The following TLK1 variants were observed in gnomAD, a reference collection of about 807,000 sequenced individuals.
TLK1 encodes serine/threonine-protein kinase tousled-like 1.
Under a neutral mutation model 105.3 loss-of-function variants are expected in TLK1, and 24 were observed. That is an observed-to-expected ratio of 0.23 (90% confidence interval 0.17 to 0.32). The LOEUF (loss-of-function observed/expected upper bound fraction) is 0.32, where lower values mean the gene tolerates loss of function less well. Ranked by LOEUF, TLK1 falls within the 10% of genes least tolerant of loss-of-function variation. The pLI is 1.00. For missense variants in TLK1, 558 were observed against 910.5 expected (o/e 0.61, Z 4.98); for synonymous variants, 321 against 310.4 (o/e 1.03, Z -0.36).
intron 14 of TLK1, among the ~76,000 whole-genome samples, chr2:171,010,311 A>T (rs1410911817): frequency 1.3e-5 from 2 of 152,168 alleles, no homozygotes; most frequent in Non-Finnish European, 2.9e-5. Context: ...TGGCAATGTT[A>T]TATACTGAGG....
intron 3 of TLK1, among the ~76,000 whole-genome samples, chr2:171,065,597 G>T (rs1687953064): frequency 6.6e-6 from 1 of 151,714 alleles, no homozygotes; most frequent in Non-Finnish European, 1.5e-5. Flanking sequence ...GAGTGCAGCG[G>T]CGCAATCTCA....
At chr2:171,032,780 C>T (rs1200722241) in intron 11 of TLK1, among the ~76,000 whole-genome samples, 2 of 152,084 alleles carry the variant, frequency 1.3e-5, no homozygotes, top group Non-Finnish European at 2.9e-5. Context: ...AGAATAATCT[C>T]TTCAACAAAT....
chr2:171,083,397 G>C (rs991711479), intron 2 of TLK1, among the ~76,000 whole-genome samples: 3 of 152,030 alleles, frequency 2.0e-5, no homozygotes, highest in Admixed American at 2.0e-4. Context: ...CTTTGCTCAA[G>C]AATTTCTCCA....
At chr2:171,100,219 A>C (rs1689628860) in intron 2 of TLK1, among the ~76,000 whole-genome samples, 1 of 152,206 alleles carries the variant, frequency 6.6e-6, no homozygotes, top group Non-Finnish European at 1.5e-5. Flanking sequence ...CACATCACCC[A>C]GAATGGTTAT....
chr2:171,187,861 A>G (rs1311234575), intron 1 of TLK1, among the ~76,000 whole-genome samples: 2 of 152,206 alleles, frequency 1.3e-5, no homozygotes, highest in Admixed American at 1.3e-4. Flanking sequence ...ATGGATGAAT[A>G]AGAAACTTAC....
At chr2:171,063,986 T>C (rs1162536861) in intron 3 of TLK1, among the ~76,000 whole-genome samples, 2 of 152,228 alleles carry the variant, frequency 1.3e-5, no homozygotes, top group African/African-American at 2.4e-5. Flanking sequence ...GTTTAACATA[T>C]AGATTACTTC....
intron 1 of TLK1, among the ~76,000 whole-genome samples, chr2:171,217,774 C>T (rs1693740712): frequency 6.6e-6 from 1 of 152,070 alleles, no homozygotes; most frequent in African/African-American, 2.4e-5. Context: ...AAGAAGAGTA[C>T]GTGTAATATG....
chr2:171,149,836 G>A (rs1691958387), intron 1 of TLK1, among the ~76,000 whole-genome samples: 1 of 152,170 alleles, frequency 6.6e-6, no homozygotes, highest in South Asian at 2.1e-4. Context: ...GAGCCCAGGA[G>A]TTGGAGGCTG....
intron 2 of TLK1, among the ~76,000 whole-genome samples, chr2:171,096,543 G>A (rs573256270): frequency 2.0e-5 from 3 of 152,202 alleles, no homozygotes; most frequent in Admixed American, 6.5e-5. Flanking sequence ...GATCATTTGA[G>A]GCCAGGAGTT....
At chr2:171,128,561 C>CT (rs1409259308) in intron 1 of TLK1, among the ~76,000 whole-genome samples, 1 of 152,122 alleles carries the variant, frequency 6.6e-6, no homozygotes, top group African/African-American at 2.4e-5. Flanking sequence ...AATAAGCCCC[C>CT]TTCTAGCTTT....
At chr2:171,106,356 A>G (rs1689924360) in intron 2 of TLK1, among the ~76,000 whole-genome samples, 2 of 152,250 alleles carry the variant, frequency 1.3e-5, no homozygotes, top group African/African-American at 4.8e-5. Flanking sequence ...TTCCTATCAC[A>G]AAGAAATGAT....
chr2:171,018,706 T>A (rs1685325661), intron 12 of TLK1, among the ~76,000 whole-genome samples: 1 of 152,338 alleles, frequency 6.6e-6, no homozygotes, highest in Middle Eastern at 3.4e-3. Flanking sequence ...ATCAGCTAAG[T>A]TGTGCTTAGT....
intron 1 of TLK1, among the ~76,000 whole-genome samples, chr2:171,172,441 C>A (rs898364216): frequency 2.0e-5 from 3 of 152,116 alleles, no homozygotes; most frequent in African/African-American, 7.2e-5. Context: ...TATAGACACA[C>A]CACACACACA....
At chr2:171,038,737 C>A (rs138123215) in intron 11 of TLK1, among the ~76,000 whole-genome samples, 11 of 152,162 alleles carry the variant, frequency 7.2e-5, no homozygotes, top group African/African-American at 2.6e-4. Flanking sequence ...TGAAATTTGC[C>A]GAGGCTTGCT....
intron 3 of TLK1, among the ~76,000 whole-genome samples, chr2:171,080,131 A>C (rs1037667676): frequency 6.6e-6 from 1 of 150,514 alleles, no homozygotes; most frequent in African/African-American, 2.4e-5. Context: ...TGGGAGGCGG[A>C]GTTTGCAGTG....
intron 2 of TLK1, 93 bp downstream of exon 2, chr2:171,117,646 T>C: frequency 1.0e-6 from 1 of 968,276 alleles, no homozygotes; most frequent in Non-Finnish European, 1.6e-6. Context: ...TTACATTTGC[T>C]GTTAAGCACG....
chr2:171,006,144 T>A lies in TLK1; in HGVS notation c.1904+3A>T. 1.3e-6 allele frequency: 2 copies of A among 1,578,612 alleles called. No homozygotes were observed. The highest frequency in any genetic ancestry group is 1.7e-6 in the Non-Finnish European group (2 of 1,166,592). On this transcript the variant is annotated splice_donor_region_variant and intron_variant, in intron 18 of 20. Coordinates refer to ENST00000431350, the MANE Select transcript of TLK1 (RefSeq NM_012290.5). ...ATTCTGATGTTTTTAGTAATACACTTACCAGTAAGTGCCTGCCCCCTGGGA... is the reference window on the plus strand; with the variant it reads ...ATTCTGATGTTTTTAGTAATACACTAACCAGTAAGTGCCTGCCCCCTGGGA...
chr2:171,113,082 TAA>T (rs1310043365), intron 2 of TLK1, among the ~76,000 whole-genome samples: 1 of 152,090 alleles, frequency 6.6e-6, no homozygotes, highest in South Asian at 2.1e-4. Context: ...TAAAGATCCA[TAA>T]AGAACAAAGT....
intron 3 of TLK1, among the ~76,000 whole-genome samples, chr2:171,064,239 G>C (rs1160461416): frequency 6.6e-6 from 1 of 151,398 alleles, no homozygotes; most frequent in African/African-American, 2.4e-5. Flanking sequence ...AAAGGGGAAG[G>C]AGAAGGGAAG....
Sources: allele counts gnomAD v4.1 joint callset (sites outside exome capture counted in the v4.1 genomes callset), GRCh38; gene constraint gnomAD v4.1.1; transcripts MANE v1.5; gene names NCBI Gene and HGNC (gene_info 2026-07-23, HGNC 2026-07-21).